CNTN5: variants seen among roughly 807,000 people sequenced by gnomAD.
CNTN5 encodes the protein contactin 5.
Under a neutral mutation model 129.1 loss-of-function variants are expected in CNTN5, and 77 were observed. The observed-to-expected ratio is 0.60, with a 90% CI of 0.50 to 0.72. The LOEUF (loss-of-function observed/expected upper bound fraction) is 0.72, where lower values mean the gene tolerates loss of function less well. CNTN5 is among the 30% of genes least tolerant of loss of function. The pLI, the probability that CNTN5 is intolerant of heterozygous loss-of-function variation, is 0.00. For missense variants in CNTN5, 1,478 were observed against 1,328.8 expected (o/e 1.11, Z -1.75); for synonymous variants, 509 against 465.6 (o/e 1.09, Z -1.20).
chr11:100,178,597 C>T (rs1948039406), intron 13 of CNTN5, among the ~76,000 whole-genome samples: 1 of 152,216 alleles, frequency 6.6e-6, no homozygotes, highest in South Asian at 2.1e-4. Flanking sequence ...AAGATATACA[C>T]TAAGCATTAA....
At chr11:99,632,601 C>A (rs1951400722) in intron 3 of CNTN5, among the ~76,000 whole-genome samples, 1 of 152,114 alleles carries the variant, frequency 6.6e-6, no homozygotes, top group Non-Finnish European at 1.5e-5. Flanking sequence ...GAACTCATGG[C>A]TTTCAACTTC....
At chr11:99,601,891 G>C (rs1950322531) in intron 3 of CNTN5, among the ~76,000 whole-genome samples, 1 of 152,138 alleles carries the variant, frequency 6.6e-6, no homozygotes, top group Non-Finnish European at 1.5e-5. Flanking sequence ...ATAGTAGAGA[G>C]TATGCCATAT....
intron 1 of CNTN5, among the ~76,000 whole-genome samples, chr11:99,197,699 CT>C (rs2135614480): frequency 1.3e-5 from 2 of 152,112 alleles, no homozygotes; most frequent in South Asian, 4.2e-4. Context: ...TTTCCTATAC[CT>C]TTGCTTGCTC....
At position 99,916,166 on chromosome 11, in the gene CNTN5, T is replaced by C. The variant is rs973819180; in HGVS notation, c.673+17T>C. 1 of 1,588,546 alleles carries C rather than the reference T, an allele frequency of 6.3e-7. No individual in the cohort carries two copies. Among genetic ancestry groups the C allele is most frequent in the African/African-American group, 1.3e-5 (1 of 74,390 alleles). The stretch of plus-strand genomic sequence containing the variant: ...ATTCACCAGGTACAGTAGGATCTCA[T>C]TCTTTGCTGCTGCTGCTGCTCTCTT... On this transcript the variant is annotated intron_variant, in intron 7 of 24. Transcript: ENST00000524871.
chr11:99,486,895 A>G (rs373286078), intron 2 of CNTN5, among the ~76,000 whole-genome samples: 1 of 152,318 alleles, frequency 6.6e-6, no homozygotes, highest in East Asian at 1.9e-4. Flanking sequence ...CTATAAAATG[A>G]TGGGAAATAA....
intron 3 of CNTN5, among the ~76,000 whole-genome samples, chr11:99,715,137 T>C (rs185306138): frequency 3.9e-5 from 6 of 152,088 alleles, no homozygotes; most frequent in African/African-American, 1.4e-4. Context: ...CTGATTTGTA[T>C]AGGAAATTTT....
At chr11:100,056,205 T>G (rs1344736207) in intron 9 of CNTN5, among the ~76,000 whole-genome samples, 1 of 151,740 alleles carries the variant, frequency 6.6e-6, no homozygotes, top group East Asian at 1.9e-4. Flanking sequence ...TTACTCCAAG[T>G]TTTATTGCTG....
chr11:99,976,933 G>A (rs912435338), intron 8 of CNTN5, among the ~76,000 whole-genome samples: 7 of 152,146 alleles, frequency 4.6e-5, no homozygotes, highest in African/African-American at 1.7e-4. Context: ...AATTTTCCAA[G>A]CGTTTATTTT....
chr11:100,008,352 G>A (rs1940319060), intron 9 of CNTN5, among the ~76,000 whole-genome samples: 1 of 152,054 alleles, frequency 6.6e-6, no homozygotes, highest in South Asian at 2.1e-4. Context: ...ATAAAATAAT[G>A]TGTGCCAGTA....
At chr11:100,213,611 TGA>T (rs1304626397) in intron 15 of CNTN5, among the ~76,000 whole-genome samples, 1 of 152,206 alleles carries the variant, frequency 6.6e-6, no homozygotes, top group African/African-American at 2.4e-5. Context: ...TAAATTTGAC[TGA>T]GTGTCCTTGA....
intron 2 of CNTN5, among the ~76,000 whole-genome samples, chr11:99,388,517 C>T (rs909654221): frequency 1.3e-5 from 2 of 151,550 alleles, no homozygotes; most frequent in Non-Finnish European, 2.9e-5. Flanking sequence ...CCATGCGTAT[C>T]TTTGGTTTCT....
chr11:99,493,245 C>T (rs910136829), intron 2 of CNTN5, among the ~76,000 whole-genome samples: 4 of 152,140 alleles, frequency 2.6e-5, no homozygotes, highest in Admixed American at 2.6e-4. Flanking sequence ...ACAAAATCGC[C>T]TAAAGAATGT....
At chr11:99,358,492 C>T (rs1009278391) in intron 2 of CNTN5, among the ~76,000 whole-genome samples, 1 of 150,640 alleles carries the variant, frequency 6.6e-6, no homozygotes, top group African/African-American at 2.4e-5. Context: ...ACCTGGGAGG[C>T]GGAGGTTGCA....
intron 1 of CNTN5, among the ~76,000 whole-genome samples, chr11:99,057,785 AGTGTGTGTGT>A (rs67721084): frequency 2.1e-5 from 3 of 144,914 alleles, no homozygotes; most frequent in South Asian, 2.2e-4. Context: ...ATGAAACATA[AGTGTGTGTGT>A]GTGTGTGTGT....
chr11:100,166,137 G>A (rs547688650), intron 13 of CNTN5, among the ~76,000 whole-genome samples: 1 of 151,728 alleles, frequency 6.6e-6, no homozygotes, highest in Admixed American at 6.6e-5. Context: ...CTACCAAATG[G>A]TACGTGATGC....
chr11:99,371,518 C>T (rs1939822889), intron 2 of CNTN5, among the ~76,000 whole-genome samples: 1 of 151,908 alleles, frequency 6.6e-6, no homozygotes, highest in African/African-American at 2.4e-5. Context: ...TACATGACTT[C>T]AGTAATCTGG....
At chr11:99,408,021 G>T (rs1031971890) in intron 2 of CNTN5, among the ~76,000 whole-genome samples, 19 of 151,990 alleles carry the variant, frequency 1.3e-4, no homozygotes, top group Non-Finnish European at 1.6e-4. Context: ...TTAAAACCAG[G>T]TATTGTGAGT....
intron 2 of CNTN5, among the ~76,000 whole-genome samples, chr11:99,404,946 C>A (rs1270870626): frequency 6.6e-6 from 1 of 152,096 alleles, no homozygotes; most frequent in African/African-American, 2.4e-5. Flanking sequence ...TCTAGGAAAG[C>A]CTTTATGTCT....
chr11:99,227,668 G>A (rs1860764179), intron 1 of CNTN5, among the ~76,000 whole-genome samples: 1 of 152,012 alleles, frequency 6.6e-6, no homozygotes, highest in Non-Finnish European at 1.5e-5. Flanking sequence ...AATAAAGAAG[G>A]GGCTTAATAT....
Sources: allele counts gnomAD v4.1 joint callset (sites outside exome capture counted in the v4.1 genomes callset), GRCh38; gene constraint gnomAD v4.1.1; transcripts MANE v1.5; gene names NCBI Gene and HGNC (gene_info 2026-07-23, HGNC 2026-07-21).